The following CEP112 variants were observed in gnomAD, a reference collection of about 807,000 sequenced individuals.
CEP112 encodes the protein centrosomal protein 112.
In CEP112, 127 loss-of-function variants were observed where a neutral mutation model predicts 153.0. The observed-to-expected ratio is 0.83, with a 90% CI of 0.72 to 0.96. The LOEUF (loss-of-function observed/expected upper bound fraction) is 0.96, where lower values mean the gene tolerates loss of function less well. Ranked by LOEUF, CEP112 falls within the 40% of genes least tolerant of loss-of-function variation. The pLI, the probability that CEP112 is intolerant of heterozygous loss-of-function variation, is 0.00. For synonymous variants in CEP112, 358 were observed against 374.4 expected, an observed-to-expected ratio of 0.96 and a Z score of 0.51; for missense variants, 1,089 against 1,101.2, an observed-to-expected ratio of 0.99 and a Z score of 0.16.
intron 23 of CEP112, among the ~76,000 whole-genome samples, chr17:65,742,665 G>A (rs985653953): frequency 1.1e-4 from 17 of 151,950 alleles, no homozygotes; most frequent in Admixed American, 6.6e-4. Context: ...CTCATTATGC[G>A]AATACATAAT....
intron 12 of CEP112, among the ~76,000 whole-genome samples, chr17:66,043,447 T>A (rs554875941): frequency 1.3e-5 from 2 of 152,328 alleles, no homozygotes; most frequent in East Asian, 3.9e-4. Flanking sequence ...TAACTCAATA[T>A]AATTTTTCTT....
At chr17:66,017,994 T>C (rs929520228) in intron 16 of CEP112, among the ~76,000 whole-genome samples, 5 of 106,720 alleles carry the variant, frequency 4.7e-5, no homozygotes, top group African/African-American at 2.0e-4. Context: ...AGCAAGACTC[T>C]GTCTCAAAAA....
intron 18 of CEP112, among the ~76,000 whole-genome samples, chr17:65,956,057 A>G (rs1363755340): frequency 6.6e-6 from 1 of 152,228 alleles, no homozygotes; most frequent in Non-Finnish European, 1.5e-5. Flanking sequence ...CATTCTATTC[A>G]GAAGGACATG....
chr17:65,862,141 T>C (rs1020705276), intron 20 of CEP112, among the ~76,000 whole-genome samples: 1 of 152,192 alleles, frequency 6.6e-6, no homozygotes, highest in Non-Finnish European at 1.5e-5. Context: ...AAATAATATT[T>C]TGTTCAGAGA....
rs536595658 is a variant in CEP112, at chr17:66,053,137, C to G, written c.1218+599G>C. The stretch of plus-strand genomic sequence containing the variant: ...AAAAAAAAAAAAGAAAAGAGATTAT[C>G]TCTGAACTGAAAGTCAATGGAAAAA... On this transcript the variant is annotated intron_variant, in intron 12 of 26. Coordinates refer to ENST00000535342, the MANE Select transcript of CEP112 (RefSeq NM_001199165.4). Among the ~76,000 whole-genome samples the G allele has an allele frequency of 8.0e-5, 12 of 149,388 alleles. 1 individual carries two copies. The South Asian group carries it at 2.5e-3, about 32-fold the overall frequency.
chr17:65,972,762 T>TTTTTG (rs2062890205), intron 17 of CEP112, among the ~76,000 whole-genome samples: 1 of 152,156 alleles, frequency 6.6e-6, no homozygotes, highest in South Asian at 2.1e-4. Context: ...GAAAAAATAA[T>TTTTTG]TTTTGTTTTG....
chr17:65,941,558 T>C (rs893546124), intron 18 of CEP112: 3 of 152,202 alleles, frequency 2.0e-5, no homozygotes, highest in South Asian at 2.1e-4. Flanking sequence ...TCAGTTGCCA[T>C]AGATACACAA....
intron 4 of CEP112, among the ~76,000 whole-genome samples, chr17:66,134,752 G>T (rs377023621): frequency 6.6e-6 from 1 of 152,164 alleles, no homozygotes; most frequent in African/African-American, 2.4e-5. Context: ...CCAGCGGGAG[G>T]TTGAGGCTAC....
chr17:66,009,189 T>TTGTGTGTGTGTGTGTGTGTGTGTG lies in CEP112; in HGVS notation c.1657-3444_1657-3421dup, dbSNP rs34971943. 1.3e-3 allele frequency among the ~76,000 whole-genome samples: 197 copies of TTGTGTGTGTGTGTGTGTGTGTGTG among 146,930 alleles called. 3 individuals carry two copies. Among genetic ancestry groups the TTGTGTGTGTGTGTGTGTGTGTGTG allele is most frequent in the African/African-American group, 4.7e-3 (186 of 39,258 alleles). On this transcript the variant is annotated intron_variant, in intron 16 of 26. Transcript: ENST00000535342. ...ATCCTGGCCTACACTTGTTATCCCT[T>TTGTGTGTGTGTGTGTGTGTGTGTG]TGTGTGTGTGTGTGTGTGTGTGTGT...
rs926989408 is a variant in CEP112 at position 66,100,467 on chromosome 17, G to C, written c.643-3835C>G. 2.7e-5 allele frequency among the ~76,000 whole-genome samples: 4 copies of C among 146,750 alleles called. No individual in the cohort carries two copies. In the South Asian group the frequency reaches 8.5e-4, roughly 31 times the overall value. On this transcript the variant is annotated intron_variant, in intron 6 of 26. Transcript: ENST00000535342. Reference sequence around the variant, plus strand: ...GAAAAGATAACTATAGTAACAGCAAGAGATAAAGATAGGACCTGAAGCCAA... The same window carrying C: ...GAAAAGATAACTATAGTAACAGCAACAGATAAAGATAGGACCTGAAGCCAA...
At chr17:65,740,726 T>C (rs1335639570) in intron 23 of CEP112, among the ~76,000 whole-genome samples, 2 of 152,184 alleles carry the variant, frequency 1.3e-5, no homozygotes, top group African/African-American at 4.8e-5. Context: ...CATTATTGAA[T>C]ATATCTGCAG....
intron 23 of CEP112, among the ~76,000 whole-genome samples, chr17:65,717,371 A>C (rs758239239): frequency 2.0e-5 from 3 of 152,224 alleles, no homozygotes; most frequent in Non-Finnish European, 2.9e-5. Flanking sequence ...TCAGTCCCAG[A>C]AGAGAGAAGA....
At chr17:65,825,589 TA>T (rs1283209770) in intron 21 of CEP112, among the ~76,000 whole-genome samples, 1 of 151,186 alleles carries the variant, frequency 6.6e-6, no homozygotes, top group East Asian at 1.9e-4. Flanking sequence ...TTTTACAAAA[TA>T]AAAAAAAATT....
chr17:65,746,152 T>A (rs1282380479), intron 22 of CEP112, among the ~76,000 whole-genome samples: 3 of 22,236 alleles, frequency 1.3e-4, no homozygotes, highest in East Asian at 1.8e-3. Flanking sequence ...GCAACAAGGG[T>A]AAAACTCCAT....
At chr17:66,057,758 T>TAC (rs71160526) in intron 11 of CEP112, among the ~76,000 whole-genome samples, 1,948 of 142,448 alleles carry the variant, frequency 0.014, 40 homozygotes, top group African/African-American at 0.043. Flanking sequence ...AAAATTACTC[T>TAC]ACACACACAC....
chr17:65,887,405 A>G (rs1321731624), intron 20 of CEP112, among the ~76,000 whole-genome samples: 1 of 152,228 alleles, frequency 6.6e-6, no homozygotes, highest in African/African-American at 2.4e-5. Flanking sequence ...ATATATCACA[A>G]AATCACATTT....
intron 20 of CEP112, among the ~76,000 whole-genome samples, chr17:65,857,480 T>A (rs1417412492): frequency 1.3e-5 from 2 of 152,212 alleles, no homozygotes; most frequent in Non-Finnish European, 2.9e-5. Context: ...GACCTCGTGA[T>A]CCGCCCACCT....
rs79056140 is a variant in CEP112, at chr17:65,971,173, C to T, written c.1737-9575G>A. ...TGATACATGTACATTACATGTACAG[C>T]ACATGTACAGCACATGCATATCACA... On this transcript the variant is annotated intron_variant, in intron 17 of 26. Coordinates refer to ENST00000535342, the MANE Select transcript of CEP112 (RefSeq NM_001199165.4). Among the ~76,000 whole-genome samples, 55 of 55,146 alleles carry T rather than the reference C, an allele frequency of 1.0e-3. No individual in the cohort carries two copies. In the East Asian group the frequency reaches 0.029, roughly 29 times the overall value. 36.2% of individuals were successfully genotyped at this position (55,146 alleles called of 152,430 possible). A position where few individuals can be genotyped will look rare whatever the true frequency, so the allele number is the denominator to read the frequency against.
chr17:65,667,233 A>C (rs996867212), intron 24 of CEP112, among the ~76,000 whole-genome samples: 2 of 152,156 alleles, frequency 1.3e-5, no homozygotes, highest in Admixed American at 6.6e-5. Context: ...ATTGAGGACA[A>C]TGATGGACCC....
Sources: allele counts gnomAD v4.1 joint callset (sites outside exome capture counted in the v4.1 genomes callset), GRCh38; gene constraint gnomAD v4.1.1; transcripts MANE v1.5; gene names NCBI Gene and HGNC (gene_info 2026-07-23, HGNC 2026-07-21).